The following PXDNL variants were observed in gnomAD, a reference collection of about 807,000 sequenced individuals.
The protein encoded by PXDNL is probable oxidoreductase PXDNL.
PXDNL carries 145 observed loss-of-function variants against 150.8 expected under a neutral mutation model. The ratio of observed to expected loss-of-function variants is 0.96; its 90% confidence interval spans 0.84 to 1.10. The LOEUF (loss-of-function observed/expected upper bound fraction) is 1.10, where lower values mean the gene tolerates loss of function less well. PXDNL is among the 50% of genes least tolerant of loss of function. PXDNL has a pLI of 0.00. For synonymous variants in PXDNL, 757 were observed against 725.7 expected (o/e 1.04, Z -0.69); for missense variants, 2,087 against 1,873.9 (o/e 1.11, Z -2.10).
intron 3 of PXDNL, among the ~76,000 whole-genome samples, chr8:51,581,422 G>C (rs909261664): frequency 6.6e-6 from 1 of 152,038 alleles, no homozygotes; most frequent in African/African-American, 2.4e-5. Flanking sequence ...CTGGGAGGCG[G>C]AGGTTGCAGT....
intron 14 of PXDNL, among the ~76,000 whole-genome samples, chr8:51,421,579 AC>A (rs1307537817): frequency 6.6e-6 from 1 of 151,980 alleles, no homozygotes; most frequent in Admixed American, 6.6e-5. Flanking sequence ...GGCACCTGTA[AC>A]CCCAGCAACT....
At chr8:51,684,015 A>G (rs888916143) in intron 1 of PXDNL, among the ~76,000 whole-genome samples, 7 of 152,242 alleles carry the variant, frequency 4.6e-5, no homozygotes, top group African/African-American at 1.7e-4. Context: ...ACACTTGACA[A>G]ATGGGCCAGT....
At chr8:51,337,184 TA>T in intron 21 of PXDNL, among the ~76,000 whole-genome samples, 1 of 152,198 alleles carries the variant, frequency 6.6e-6, no homozygotes, top group Non-Finnish European at 1.5e-5. Flanking sequence ...GGGGTATGTT[TA>T]AAAACATACA....
At chr8:51,412,635 T>C (rs7004184) in intron 15 of PXDNL, among the ~76,000 whole-genome samples, 119,429 of 152,170 alleles carry the variant, frequency 0.78, 46,988 homozygotes, top group East Asian at 0.86. Context: ...TATGATGAAA[T>C]CAACAATCAT....
At chr8:51,397,382 A>T (rs1586069324) in intron 17 of PXDNL, among the ~76,000 whole-genome samples, 1 of 152,176 alleles carries the variant, frequency 6.6e-6, no homozygotes. Context: ...ACATAGTTCA[A>T]ATCCCTAATC....
chr8:51,749,027 G>C (rs1222056705), intron 1 of PXDNL, among the ~76,000 whole-genome samples: 1 of 152,054 alleles, frequency 6.6e-6, no homozygotes, highest in Non-Finnish European at 1.5e-5. Flanking sequence ...GATAAATTTA[G>C]CCAAAACCTG....
At chr8:51,683,855 A>T (rs1041286548) in intron 1 of PXDNL, among the ~76,000 whole-genome samples, 1 of 143,774 alleles carries the variant, frequency 7.0e-6, no homozygotes, top group Non-Finnish European at 1.6e-5. Flanking sequence ...CAGAAAGCAC[A>T]ATCAGATTTC....
At chr8:51,514,722 T>C (rs1811498993) in intron 4 of PXDNL, among the ~76,000 whole-genome samples, 1 of 152,012 alleles carries the variant, frequency 6.6e-6, no homozygotes, top group African/African-American at 2.4e-5. Context: ...CTCCACAAAG[T>C]CCAAGCAACT....
intron 1 of PXDNL, among the ~76,000 whole-genome samples, chr8:51,712,535 A>G (rs1451113685): frequency 6.6e-6 from 1 of 152,232 alleles, no homozygotes; most frequent in African/African-American, 2.4e-5. Flanking sequence ...AAGCACCTAG[A>G]ATCATGCCTG....
chr8:51,785,455 G>A (rs2037452165), intron 1 of PXDNL, among the ~76,000 whole-genome samples: 1 of 152,206 alleles, frequency 6.6e-6, no homozygotes, highest in Admixed American at 6.5e-5. Flanking sequence ...CTTACAACCT[G>A]AAGGTCTGTG....
chr8:51,698,904 C>T (rs1020113045), intron 1 of PXDNL, among the ~76,000 whole-genome samples: 1 of 152,186 alleles, frequency 6.6e-6, no homozygotes, highest in African/African-American at 2.4e-5. Context: ...AGGTGCTTAT[C>T]AATGAGTGGT....
chr8:51,366,490 C>T (rs116581210), intron 19 of PXDNL, among the ~76,000 whole-genome samples: 1,912 of 151,730 alleles, frequency 0.013, 34 homozygotes, highest in African/African-American at 0.044. Context: ...GTCTGTTAAA[C>T]TTAATTTGTC....
At chr8:51,591,708 T>A (rs920504884) in intron 3 of PXDNL, among the ~76,000 whole-genome samples, 1 of 151,992 alleles carries the variant, frequency 6.6e-6, no homozygotes, top group Non-Finnish European at 1.5e-5. Flanking sequence ...AAGCTCCGCC[T>A]CCTGGGTTCA....
chr8:51,358,615 A>G (rs1219210147), intron 19 of PXDNL, among the ~76,000 whole-genome samples: 1 of 152,110 alleles, frequency 6.6e-6, no homozygotes, highest in Admixed American at 6.5e-5. Context: ...AACCAAAGAC[A>G]AGAGGAATGG....
chr8:51,793,762 A>G (rs547240869), intron 1 of PXDNL, among the ~76,000 whole-genome samples: 14 of 151,962 alleles, frequency 9.2e-5, no homozygotes, highest in Non-Finnish European at 1.9e-4. Context: ...GGTGACTGAC[A>G]CATGTCTGTA....
intron 1 of PXDNL, among the ~76,000 whole-genome samples, chr8:51,655,267 G>C (rs540021942): frequency 1.6e-4 from 24 of 152,288 alleles, no homozygotes; most frequent in Non-Finnish European, 2.9e-4. Flanking sequence ...ATTAGTTTGA[G>C]AGAGACGTTA....
At position 51,372,025 on chromosome 8, in the gene PXDNL, T is replaced by G. The variant is rs1332586696; in HGVS notation, c.3749A>C (p.Gln1250Pro). 2 of 1,611,576 alleles carry G rather than the reference T, an allele frequency of 1.2e-6. No individual in the cohort carries two copies. Among genetic ancestry groups the G allele is most frequent in the African/African-American group, 1.3e-5 (1 of 74,996 alleles). ...FTPAQLTQLK[Q>P]ASLSRVLCDN... ...ACAAAGCACCCGGCTCAGGGACGCC[T>G]GCTTCAGCTGAGTGAGTTGTGCCGG... The change falls in exon 19 of 23, where the codon CAG becomes CCG. Residue 1250 changes from glutamine (Q) to proline (P), a missense_variant. Gln to Pro is a moderately conservative substitution (Grantham distance 76). Transcript: ENST00000356297.
chr8:51,559,212 G>A (rs116051812), intron 3 of PXDNL, among the ~76,000 whole-genome samples: 2,670 of 151,772 alleles, frequency 0.018, 85 homozygotes, highest in African/African-American at 0.06. Context: ...ATCTTCATGG[G>A]TCTATGTGAT....
intron 2 of PXDNL, among the ~76,000 whole-genome samples, chr8:51,636,214 A>G (rs1483282909): frequency 6.6e-6 from 1 of 152,176 alleles, no homozygotes; most frequent in Non-Finnish European, 1.5e-5. Flanking sequence ...TGAACATAAT[A>G]AAGGACATTT....
Sources: allele counts gnomAD v4.1 joint callset (sites outside exome capture counted in the v4.1 genomes callset), GRCh38; gene constraint gnomAD v4.1.1; transcripts MANE v1.5; gene names NCBI Gene and HGNC (gene_info 2026-07-23, HGNC 2026-07-21).